FAT2: variants seen among roughly 807,000 people sequenced by gnomAD.
The protein encoded by FAT2 is FAT atypical cadherin 2, also known as protocadherin Fat 2.
Under a neutral mutation model 295.3 loss-of-function variants are expected in FAT2, and 150 were observed. The observed-to-expected ratio is 0.51, with a 90% CI of 0.44 to 0.58. The LOEUF (loss-of-function observed/expected upper bound fraction) is 0.58, where lower values mean the gene tolerates loss of function less well. FAT2 is among the 20% of genes least tolerant of loss of function. FAT2 has a pLI of 0.00. For missense variants in FAT2, 4,868 were observed against 5,442.7 expected, an observed-to-expected ratio of 0.89 and a Z score of 3.32; for synonymous variants, 2,026 against 2,150.3, an observed-to-expected ratio of 0.94 and a Z score of 1.60.
At chr5:151,586,273 G>A (rs1338697274) in intron 1 of FAT2, among the ~76,000 whole-genome samples, 3 of 152,332 alleles carry the variant, frequency 2.0e-5, no homozygotes, top group Middle Eastern at 3.4e-3. Flanking sequence ...CAACTGCTGC[G>A]GGCACTGGAG....
intron 1 of FAT2, among the ~76,000 whole-genome samples, chr5:151,572,285 T>C (rs1350153032): frequency 6.6e-6 from 1 of 152,130 alleles, no homozygotes; most frequent in African/African-American, 2.4e-5. Flanking sequence ...CAATACTAGT[T>C]GAGAAATGGA....
chr5:151,578,730 AG>A (rs1758834931), intron 1 of FAT2, among the ~76,000 whole-genome samples: 2 of 152,270 alleles, frequency 1.3e-5, no homozygotes, highest in East Asian at 1.9e-4. Context: ...GTCCATCAGT[AG>A]ATGAATGAAT....
At position 151,546,482 on chromosome 5, in the gene FAT2, T is replaced by TAG. The variant is rs745726817; in HGVS notation, c.4790-147_4790-146dup. On this transcript the variant is annotated intron_variant, in intron 9 of 23. Coordinates refer to ENST00000261800, the MANE Select transcript of FAT2 (RefSeq NM_001447.3). ...GTATACCCACCCTGGATATAGTGTA[T>TAG]AGAGTAGATACTTTATAAAATCTCT... The TAG allele has an allele frequency of 1.8e-5, 11 of 599,450 alleles. No individual in the cohort carries two copies. The Admixed American group carries it at 2.1e-4, about 12-fold the overall frequency. 37.1% of individuals were successfully genotyped at this position (599,450 alleles called of 1,614,324 possible).
Position 151,512,830 on chromosome 5 carries a change from G to A in FAT2, c.11464-224C>T, listed in dbSNP as rs1036815351. 7.0e-6 allele frequency: 4 copies of A among 567,542 alleles called. No homozygotes were observed. Among genetic ancestry groups the A allele is most frequent in the African/African-American group, 1.9e-5 (1 of 53,388 alleles). The allele number at this position is 567,542 out of a possible 1,614,324, so 35.2% of individuals were successfully genotyped here. A position where few individuals can be genotyped will look rare whatever the true frequency, so the allele number is the denominator to read the frequency against. ...CCCCATGGGATGGTCTGGGTAGGGG[G>A]TGACATCTCCATTCACAGATGAGGA... On this transcript the variant is annotated intron_variant, in intron 20 of 23. Coordinates refer to ENST00000261800, the MANE Select transcript of FAT2 (RefSeq NM_001447.3). The surrounding 1 kb of genome is among the most constrained non-coding windows in gnomAD (Gnocchi z 4.1).
intron 1 of FAT2, among the ~76,000 whole-genome samples, chr5:151,588,058 G>A (rs545317111): frequency 6.6e-6 from 1 of 152,310 alleles, no homozygotes; most frequent in East Asian, 1.9e-4. Context: ...ATTCCCAAGG[G>A]TTCTTCGAGT....
In FAT2 at chr5:151,504,794, A is replaced by T. The variant is rs1760716964; in HGVS notation, c.*771T>A. 6.6e-6 allele frequency: 1 copy of T among 152,636 alleles called. No homozygotes were observed. The highest frequency in any genetic ancestry group is 1.5e-5 in the Non-Finnish European group (1 of 68,050). The allele number at this position is 152,636 out of a possible 1,614,324, so 9.5% of individuals were successfully genotyped here. The stretch of plus-strand genomic sequence containing the variant: ...TGAGGTCTGAATTCTTTAACAAAGA[A>T]GGTTCAGAGCTGTGTAGACTCCTGG... On this transcript the variant is annotated 3_prime_UTR_variant, in exon 24 of 24. Transcript: ENST00000261800.
intron 12 of FAT2, 151 bp from the exon 13 acceptor site, chr5:151,534,793 T>A: frequency 1.6e-6 from 1 of 610,110 alleles, no homozygotes; most frequent in East Asian, 2.8e-5. Context: ...CAGCTAAGCC[T>A]GTATCCCCCC....
chr5:151,534,970 A>AATATATATATATATATATATATATAT lies in FAT2; in HGVS notation c.9194-354_9194-329dup, dbSNP rs138459865. Among the ~76,000 whole-genome samples the AATATATATATATATATATATATATAT allele has an allele frequency of 4.3e-3, 459 of 106,170 alleles. 13 individuals are homozygous for AATATATATATATATATATATATATAT. Among genetic ancestry groups the AATATATATATATATATATATATATAT allele is most frequent in the Non-Finnish European group, 6.3e-3 (296 of 46,674 alleles). 69.7% of individuals were successfully genotyped at this position (106,170 alleles called of 152,430 possible). On this transcript the variant is annotated intron_variant, in intron 12 of 23. Coordinates refer to ENST00000261800, the MANE Select transcript of FAT2 (RefSeq NM_001447.3). ...TGGTTCGTAATTCCACTTCTAGGAA[A>AATATATATATATATATATATATATAT]ATATATATATATATATATATATATA...
At position 151,543,067 on chromosome 5, in the gene FAT2, G is replaced by T. The variant is rs540346587; in HGVS notation, c.8060C>A (p.Ser2687Tyr). The T allele has an allele frequency of 6.2e-7, 1 of 1,614,148 alleles. No individual in the cohort carries two copies. The highest frequency in any genetic ancestry group is 1.1e-5 in the South Asian group (1 of 91,068). Residue 2687 changes from serine (S) to tyrosine (Y), a missense_variant, in exon 10 of 24, where the codon TCC becomes TAC. By Grantham distance (144) the Ser-to-Tyr change is moderately radical. Around this residue, in one of 5 missense-constraint regions of FAT2, gnomAD observed 3,297 missense variants for 3,669.4 expected, o/e 0.90. Coordinates refer to ENST00000261800, the MANE Select transcript of FAT2 (RefSeq NM_001447.3). ...VRLQVVPKKV[S>Y]LPKFSEPLYT... Reference sequence around the variant, plus strand: ...CAAAGGTTCAGAAAATTTCGGTAAGGATACTTTTTTAGGAACCACCTGAAG... The same window carrying T: ...CAAAGGTTCAGAAAATTTCGGTAAGTATACTTTTTTAGGAACCACCTGAAG...
At position 151,568,639 on chromosome 5, in the gene FAT2, C is replaced by T; in HGVS notation, c.293G>A (p.Arg98Lys). 6.2e-7 allele frequency: 1 copy of T among 1,614,150 alleles called. No individual in the cohort carries two copies. The change falls in exon 2 of 24, where the codon AGG (arginine) becomes AAG (lysine). Residue 98 changes from arginine (R) to lysine (K), a missense_variant. Transcript: ENST00000261800. ...VVGNFCFLRI[R>K]TKSSNTALLN... ...AAGAGCTGTGTTGCTGCTCTTTGTC[C>T]TTATTCTTAGGAAGCAGAAGTTGCC...
At chr5:151,520,243 C>T (rs1167351153) in intron 19 of FAT2, among the ~76,000 whole-genome samples, 1 of 152,244 alleles carries the variant, frequency 6.6e-6, no homozygotes, top group African/African-American at 2.4e-5. Flanking sequence ...ATGTCACTTT[C>T]CTTTAGCCAA....
Position 151,543,442 on chromosome 5 carries a change from C to T in FAT2, c.7685G>A (p.Gly2562Glu), listed in dbSNP as rs367876674. 3 of 1,614,144 alleles carry T rather than the reference C, an allele frequency of 1.9e-6. No individual in the cohort carries two copies. The highest frequency in any genetic ancestry group is 1.7e-6 in the Non-Finnish European group (2 of 1,180,018). ...CGTGCAGAAGGCTACTCTTCCTCCT[C>T]CATCCCGAGCCATGACCTTAATAGC... ...VIAIKVMARD[G>E]GGRVAFCTVK... The change falls in exon 10 of 24, where the codon GGA becomes GAA. Residue 2562 changes from glycine to glutamate, a missense_variant. Coordinates refer to ENST00000261800, the MANE Select transcript of FAT2 (RefSeq NM_001447.3).
At chr5:151,522,188 G>A (rs1374246724) in intron 18 of FAT2, 102 bp from the exon 19 acceptor site, 10 of 931,364 alleles carry the variant, frequency 1.1e-5, no homozygotes, top group South Asian at 1.9e-5. Flanking sequence ...TCTGCCCCAC[G>A]CCCAACTTGA....
rs940603607 is a variant in FAT2 at position 151,543,460 on chromosome 5, T to A, written c.7667A>T (p.Lys2556Met). The A allele has an allele frequency of 6.2e-7, 1 of 1,614,062 alleles. No homozygotes were observed. Among genetic ancestry groups the A allele is most frequent in the Non-Finnish European group, 8.5e-7 (1 of 1,180,028 alleles). ...TCCTCCTCCATCCCGAGCCATGACC[T>A]TAATAGCAATGACTCTCTCTGTTGA... ...ENSTERVIAIKVMARDGGGRV... is the reference protein window; with the variant it reads ...ENSTERVIAIMVMARDGGGRV... Residue 2556 changes from lysine to methionine, a missense_variant, in exon 10 of 24, where the codon AAG becomes ATG. This residue lies in a region of FAT2 where 3,297 missense variants were observed against 3,669.4 expected (regional missense o/e 0.90). Coordinates refer to ENST00000261800, the MANE Select transcript of FAT2 (RefSeq NM_001447.3).
rs1756269158 is a variant in FAT2 at position 151,542,709 on chromosome 5, G to A, written c.8418C>T (p.Leu2806=). The A allele has an allele frequency of 1.9e-5, 30 of 1,614,130 alleles. No individual in the cohort carries two copies. In the East Asian group the frequency reaches 6.2e-4, roughly 34 times the overall value. The change falls in exon 10 of 24, where the codon CTC becomes CTT. Residue 2806 remains leucine (L), a synonymous_variant. Transcript: ENST00000261800. ...AGGTCCCCACTGGCATATTCTCAGT[G>A]AGGACAGCCTTATATGGATCAGCCT... The part of the protein sequence containing the change: ...VFEADPYKAV[L]TENMPVGTSV...
rs542969341 is a variant in FAT2, at chr5:151,542,245, A to G, written c.8842+40T>C. ...GGCACCTCTTCCTGGATGTTTTTCG[A>G]TACATTCCAGAGCCTGCAGTCCATG... On this transcript the variant is annotated intron_variant, in intron 10 of 23. Transcript: ENST00000261800. 1,408 of 1,528,708 alleles carry G rather than the reference A, an allele frequency of 9.2e-4. 1 individual carries two copies. The highest frequency in any genetic ancestry group is 1.1e-3 in the Non-Finnish European group (1,292 of 1,138,692). 94.7% of individuals were successfully genotyped at this position (1,528,708 alleles called of 1,614,324 possible).
In FAT2 at chr5:151,563,504, T is replaced by A. The variant is rs766201781; in HGVS notation, c.3395A>T (p.Asp1132Val). 9.3e-6 allele frequency: 15 copies of A among 1,614,130 alleles called. No homozygotes were observed. Among genetic ancestry groups the A allele is most frequent in the African/African-American group, 1.3e-5 (1 of 75,010 alleles). ...EVYIEVTDAN[D>V]NPPQMSQAVF... ...AGCTTGGGACATCTGGGGTGGGTTGTCATTGGCATCCGTAACCTCGATGTA... is the reference window on the plus strand; with the variant it reads ...AGCTTGGGACATCTGGGGTGGGTTGACATTGGCATCCGTAACCTCGATGTA... The change falls in exon 3 of 24, where the codon GAC (aspartate) becomes GTC (valine). Residue 1132 changes from aspartate to valine, a missense_variant. This residue lies in a region of FAT2 where 3,297 missense variants were observed against 3,669.4 expected (regional missense o/e 0.90). Coordinates refer to ENST00000261800, the MANE Select transcript of FAT2 (RefSeq NM_001447.3).
intron 3 of FAT2, 53 bp downstream of exon 3, chr5:151,563,272 T>C (rs991758278): frequency 1.3e-6 from 2 of 1,537,798 alleles, no homozygotes; most frequent in African/African-American, 2.8e-5. Flanking sequence ...GGCCCACAAT[T>C]TGAGAACCAC....
intron 1 of FAT2, among the ~76,000 whole-genome samples, chr5:151,580,071 A>T (rs993276877): frequency 6.6e-6 from 1 of 152,222 alleles, no homozygotes; most frequent in Non-Finnish European, 1.5e-5. Flanking sequence ...TATTCCCAGA[A>T]AAAGGAAGGG....
Sources: allele counts gnomAD v4.1 joint callset (sites outside exome capture counted in the v4.1 genomes callset), GRCh38; gene constraint gnomAD v4.1.1; regional missense constraint gnomAD v4.1.1; non-coding constraint Gnocchi (gnomAD v3.1); transcripts MANE v1.5; gene names NCBI Gene and HGNC (gene_info 2026-07-23, HGNC 2026-07-21).